Variants in HSP90AA1 observed in about 807,000 individuals in gnomAD.
HSP90AA1 encodes the protein heat shock protein 90 alpha family class A member 1.
A neutral mutation model predicts 73.3 loss-of-function variants in HSP90AA1; 18 were observed. The observed-to-expected ratio is 0.25, with a 90% CI of 0.17 to 0.36. The LOEUF (loss-of-function observed/expected upper bound fraction) is 0.36, where lower values mean the gene tolerates loss of function less well. Ranked by LOEUF, HSP90AA1 falls within the 10% of genes least tolerant of loss-of-function variation. The pLI is 1.00. For missense variants in HSP90AA1, 704 were observed against 874.2 expected (o/e 0.81, Z 2.45); for synonymous variants, 477 against 296.9 (o/e 1.61, Z -6.24).
At chr14:102,102,176 CA>C in intron 1 of HSP90AA1, 1 of 1,020,792 alleles carries the variant, frequency 9.8e-7, no homozygotes, top group Non-Finnish European at 1.5e-6. Context: ...CCCAAGCAGG[CA>C]TGCCCTGGCT....
At position 102,086,359 on chromosome 14, in the gene HSP90AA1, G is replaced by A. The variant is rs2049232919; in HGVS notation, c.20C>T (p.Thr7Ile). The change falls in exon 2 of 11, where the codon ACC (threonine) becomes ATC (isoleucine). Residue 7 changes from threonine to isoleucine, a missense_variant. Thr to Ile is a moderately conservative substitution (Grantham distance 89, BLOSUM62 -1). Transcript: ENST00000216281. The part of the protein sequence containing the change: MPEETQ[T>I]QDQPMEEEEV... ...CTCCTCCTCCATCGGTTGGTCTTGG[G>A]TCTGGGTTTCCTCAGGCATCTGGAA... 1.9e-6 allele frequency: 3 copies of A among 1,614,156 alleles called. No homozygotes were observed. The highest frequency in any genetic ancestry group is 1.1e-5 in the South Asian group (1 of 91,084).
At chr14:102,110,488 C>T (rs992753716) in intron 1 of HSP90AA1, among the ~76,000 whole-genome samples, 21 of 151,878 alleles carry the variant, frequency 1.4e-4, no homozygotes, top group Non-Finnish European at 1.2e-4. Context: ...GGTGTAATCT[C>T]GACTCACTGC....
At chr14:102,087,450 C>A (rs1013070611), upstream of HSP90AA1, among the ~76,000 whole-genome samples, 6 of 151,870 alleles carry the variant, frequency 4.0e-5, no homozygotes, top group Non-Finnish European at 8.8e-5. Flanking sequence ...TAGTTGGTCA[C>A]CCGGGCTGAG....
chr14:102,085,062 CACT>C (rs577955210), intron 4 of HSP90AA1, 64 bp from the exon 5 acceptor site: 8 of 1,611,800 alleles, frequency 5.0e-6, no homozygotes, highest in South Asian at 3.3e-5. Context: ...AGCGCTGCAC[CACT>C]ATTTTCAACC....
At chr14:102,095,571 A>C (rs530065450) in intron 2 of HSP90AA1, among the ~76,000 whole-genome samples, 278 of 152,274 alleles carry the variant, frequency 1.8e-3, no homozygotes, top group South Asian at 4.4e-3. Flanking sequence ...AGAAACATAC[A>C]AACAAGTGGG....
chr14:102,111,597 C>G (rs1595673172), intron 1 of HSP90AA1, among the ~76,000 whole-genome samples: 1 of 152,208 alleles, frequency 6.6e-6, no homozygotes, highest in Non-Finnish European at 1.5e-5. Flanking sequence ...TGAGAAGGGG[C>G]ACAAAGAGGG....
rs778083493 is a variant in HSP90AA1, at chr14:102,084,891, T to C, written c.771A>G (p.Glu257=). ...KEEKESEDKP[E]IEDVGSDEEE... is the part of the protein sequence containing the mutation. ...CCTCATCAGAACCAACATCTTCAATTTCAGGTTTGTCTTCCGACTCTTTCT... is the reference window on the plus strand; with the variant it reads ...CCTCATCAGAACCAACATCTTCAATCTCAGGTTTGTCTTCCGACTCTTTCT... Residue 257 remains glutamate (E), a synonymous_variant, in exon 5 of 11, where the codon GAA becomes GAG. Coordinates refer to ENST00000216281, the MANE Select transcript of HSP90AA1 (RefSeq NM_005348.4). The C allele has an allele frequency of 2.6e-6, 4 of 1,561,484 alleles. No individual in the cohort carries two copies. The African/African-American group carries it at 5.4e-5, about 21-fold the overall frequency.
chr14:102,120,741 A>G (rs1210077), intron 1 of HSP90AA1, among the ~76,000 whole-genome samples: 141,097 of 151,818 alleles, frequency 0.93, 65,598 homozygotes, highest in East Asian at 1. Context: ...TCAGGAGTTC[A>G]AGACCAGCCT....
At chr14:102,118,548 G>GT (rs2049736912) in intron 1 of HSP90AA1, among the ~76,000 whole-genome samples, 1 of 151,436 alleles carries the variant, frequency 6.6e-6, no homozygotes, top group Non-Finnish European at 1.5e-5. Flanking sequence ...GTCACTTTTT[G>GT]TTTTTTATAT....
At chr14:102,106,213 G>A (rs1371673112) in intron 1 of HSP90AA1, among the ~76,000 whole-genome samples, 1 of 152,188 alleles carries the variant, frequency 6.6e-6, no homozygotes, top group Non-Finnish European at 1.5e-5. Flanking sequence ...TTCAGAAACA[G>A]CTTTCTCAAT....
At chr14:102,096,270 C>T (rs1276987078) in intron 2 of HSP90AA1, among the ~76,000 whole-genome samples, 1 of 152,160 alleles carries the variant, frequency 6.6e-6, no homozygotes, top group Non-Finnish European at 1.5e-5. Flanking sequence ...GCATTGTTTT[C>T]TGGTTTTGTT....
intron 1 of HSP90AA1, among the ~76,000 whole-genome samples, chr14:102,134,652 G>C (rs1209973116): frequency 6.6e-6 from 1 of 152,086 alleles, no homozygotes; most frequent in Non-Finnish European, 1.5e-5. Context: ...AGCACGTCTG[G>C]AGTTGTTCGT....
chr14:102,093,835 A>G (rs1024986216), intron 2 of HSP90AA1, among the ~76,000 whole-genome samples: 2 of 151,936 alleles, frequency 1.3e-5, no homozygotes, highest in African/African-American at 4.8e-5. Flanking sequence ...TTAGCCAGGC[A>G]TGGTGGCATG....
At chr14:102,136,609 C>A (rs1395398241) in intron 1 of HSP90AA1, among the ~76,000 whole-genome samples, 1 of 147,600 alleles carries the variant, frequency 6.8e-6, no homozygotes. Flanking sequence ...CGGTTTGGGC[C>A]GGGCGCGGTG....
chr14:102,084,814 T>G lies in HSP90AA1; in HGVS notation c.848A>C (p.Lys283Thr), dbSNP rs2049183590. 3.7e-6 allele frequency: 6 copies of G among 1,612,626 alleles called. No homozygotes were observed. Among genetic ancestry groups the G allele is most frequent in the Admixed American group, 1.7e-5 (1 of 60,000 alleles). Residue 283 changes from lysine (K) to threonine (T), a missense_variant, in exon 5 of 11, where the codon AAG (lysine) becomes ACG (threonine). Transcript: ENST00000216281. ...GTTGAGCTCTTCTTGATCGATGTAC[T>G]TTTCCTTAATCTTCTTCTTCTTCTT... is the stretch of plus-strand genomic sequence containing the variant. ...DKKKKKKIKE[K>T]YIDQEELNKT...
chr14:102,081,974 T>A, intron 10 of HSP90AA1, 137 bp downstream of exon 10: 4 of 778,038 alleles, frequency 5.1e-6, no homozygotes, highest in Middle Eastern at 2.3e-4. Flanking sequence ...TACTTATCCC[T>A]AAAAAAAACA....
At chr14:102,120,396 G>C (rs1404456829) in intron 1 of HSP90AA1, among the ~76,000 whole-genome samples, 1 of 152,028 alleles carries the variant, frequency 6.6e-6, no homozygotes, top group Non-Finnish European at 1.5e-5. Context: ...GATTATGGGA[G>C]TCATTTACAT....
In HSP90AA1 at chr14:102,083,037, T is replaced by C; in HGVS notation, c.1752A>G (p.Glu584=). Residue 584 remains glutamate, a synonymous_variant, in exon 9 of 11, where the codon GAA becomes GAG. Transcript: ENST00000216281. ...AGGAAATGCTGTATTCACATACCTT[T>C]TCAACTTTTTTCTCCAATATGTCTT... ...IMKDILEKKV[E]KVVVSNRLVT... 6.2e-7 allele frequency: 1 copy of C among 1,613,834 alleles called. No individual in the cohort carries two copies. Among genetic ancestry groups the C allele is most frequent in the African/African-American group, 1.3e-5 (1 of 75,046 alleles).
intron 1 of HSP90AA1, among the ~76,000 whole-genome samples, chr14:102,129,276 A>C (rs2049877204): frequency 6.6e-6 from 1 of 150,986 alleles, no homozygotes; most frequent in African/African-American, 2.4e-5. Flanking sequence ...ACTACAGGGG[A>C]TTACTACAGG....
Sources: gnomAD v4.1 joint callset for allele counts (sites outside exome capture counted in the v4.1 genomes callset) on GRCh38, gnomAD v4.1.1 for gene constraint, MANE v1.5 for transcripts, NCBI Gene and HGNC (gene_info 2026-07-23, HGNC 2026-07-21) for gene names.